CCDC178: variants seen among roughly 807,000 people sequenced by gnomAD.
CCDC178 encodes coiled-coil domain containing 178, also known as coiled-coil domain-containing protein 178.
In CCDC178, 126 loss-of-function variants were observed where a neutral mutation model predicts 117.4. The observed-to-expected ratio is 1.07, with a 90% CI of 0.93 to 1.24. The LOEUF (loss-of-function observed/expected upper bound fraction) is 1.24, where lower values mean the gene tolerates loss of function less well. CCDC178 is among the 50% of genes most tolerant of loss of function. CCDC178 has a pLI of 0.00. For synonymous variants in CCDC178, 283 were observed against 313.4 expected (o/e 0.90, Z 1.02); for missense variants, 1,030 against 986.9 (o/e 1.04, Z -0.59).
At chr18:33,112,417 C>G (rs1015015762) in intron 20 of CCDC178, among the ~76,000 whole-genome samples, 1 of 151,866 alleles carries the variant, frequency 6.6e-6, no homozygotes, top group African/African-American at 2.4e-5. Context: ...GTAGAAGCGA[C>G]ATGATCATGC....
At chr18:33,365,898 G>A (rs1174275648) in intron 6 of CCDC178, among the ~76,000 whole-genome samples, 1 of 152,044 alleles carries the variant, frequency 6.6e-6, no homozygotes, top group East Asian at 1.9e-4. Context: ...ATCATTGTGT[G>A]ATGTTTCCAG....
chr18:33,237,434 T>C (rs1476759002), intron 15 of CCDC178, among the ~76,000 whole-genome samples: 4 of 151,954 alleles, frequency 2.6e-5, no homozygotes, highest in African/African-American at 7.3e-5. Flanking sequence ...CAAGAAACCA[T>C]ACAGCCATGT....
chr18:33,349,411 ATGT>A (rs1050718942), intron 7 of CCDC178, among the ~76,000 whole-genome samples: 2 of 152,050 alleles, frequency 1.3e-5, no homozygotes, highest in African/African-American at 2.4e-5. Context: ...CTAAATTAAA[ATGT>A]TGTTTCCTTC....
Position 33,336,779 on chromosome 18 carries a change from TA to T in CCDC178, c.659-3386del, listed in dbSNP as rs149239497. Among the ~76,000 whole-genome samples, 948 of 152,140 alleles carry T rather than the reference TA, an allele frequency of 6.2e-3. 33 individuals are homozygous for T. The East Asian group carries it at 0.11, about 17-fold the overall frequency. On this transcript the variant is annotated intron_variant, in intron 9 of 22. Transcript: ENST00000383096. ...AAAATTTTAAATACAAATTAAACAT[TA>T]AAAAAATGTTTCTATGGCCTTATAG...
intron 22 of CCDC178, among the ~76,000 whole-genome samples, chr18:32,947,749 C>T (rs1282204662): frequency 6.6e-6 from 1 of 151,910 alleles, no homozygotes; most frequent in Admixed American, 6.6e-5. Context: ...TATTCTTGTG[C>T]TTTTGGTGCT....
intron 2 of CCDC178, among the ~76,000 whole-genome samples, chr18:33,423,739 G>T (rs1057065692): frequency 1.1e-4 from 16 of 152,168 alleles, no homozygotes; most frequent in Non-Finnish European, 1.5e-5. Flanking sequence ...TTGACAAAGT[G>T]TTGATTTTTT....
intron 21 of CCDC178, among the ~76,000 whole-genome samples, chr18:33,035,364 G>T (rs770060117): frequency 1.9e-4 from 29 of 151,770 alleles, no homozygotes; most frequent in Middle Eastern, 3.4e-3. Context: ...GAGTAATGAA[G>T]GTTAAGAAAA....
intron 21 of CCDC178, among the ~76,000 whole-genome samples, chr18:32,991,310 T>C (rs2144742605): frequency 6.6e-6 from 1 of 152,276 alleles, no homozygotes; most frequent in South Asian, 2.1e-4. Context: ...TACATAAATT[T>C]TTAGGGTGTC....
chr18:33,102,972 G>A (rs1451859432), intron 20 of CCDC178, among the ~76,000 whole-genome samples: 1 of 151,760 alleles, frequency 6.6e-6, no homozygotes, highest in South Asian at 2.1e-4. Context: ...GGACCATAAA[G>A]CCTGAAATAT....
intron 21 of CCDC178, among the ~76,000 whole-genome samples, chr18:33,088,875 G>C (rs562270474): frequency 6.6e-6 from 1 of 152,192 alleles, no homozygotes; most frequent in Admixed American, 6.5e-5. Context: ...TAAGTTCTAG[G>C]ACAACATTTC....
chr18:33,123,021 A>G (rs2057958038), intron 20 of CCDC178, among the ~76,000 whole-genome samples: 1 of 152,146 alleles, frequency 6.6e-6, no homozygotes. Flanking sequence ...CTGAATAAGT[A>G]TCACAGTCTC....
intron 22 of CCDC178, among the ~76,000 whole-genome samples, chr18:32,973,290 T>A (rs2054966607): frequency 6.6e-6 from 1 of 152,142 alleles, no homozygotes; most frequent in Non-Finnish European, 1.5e-5. Context: ...AATATAGATT[T>A]TTCTAAGATA....
chr18:33,296,758 T>C (rs1213174146), intron 11 of CCDC178, among the ~76,000 whole-genome samples: 2 of 152,314 alleles, frequency 1.3e-5, no homozygotes, highest in East Asian at 1.9e-4. Context: ...CCAGGCGTGG[T>C]GGCTCACACC....
chr18:33,061,790 T>G (rs987697387), intron 21 of CCDC178, among the ~76,000 whole-genome samples: 1 of 151,780 alleles, frequency 6.6e-6, no homozygotes, highest in African/African-American at 2.4e-5. Flanking sequence ...TGCTGATGTG[T>G]TTTTTTTCAG....
chr18:33,394,943 GTATATA>G (rs61298209), intron 4 of CCDC178, among the ~76,000 whole-genome samples: 11,493 of 61,260 alleles, frequency 0.19, 609 homozygotes, highest in South Asian at 0.28. Context: ...ATATGTATGT[GTATATA>G]TATATATATA....
intron 21 of CCDC178, among the ~76,000 whole-genome samples, chr18:32,976,336 A>G (rs1035587827): frequency 1.3e-5 from 2 of 152,142 alleles, no homozygotes; most frequent in African/African-American, 4.8e-5. Flanking sequence ...GTGTATGTTC[A>G]CAACTACATA....
At chr18:33,041,382 T>C (rs1233687906) in intron 21 of CCDC178, among the ~76,000 whole-genome samples, 1 of 151,210 alleles carries the variant, frequency 6.6e-6, no homozygotes, top group Non-Finnish European at 1.5e-5. Flanking sequence ...CAGACCACCA[T>C]AGATTAATCT....
intron 20 of CCDC178, among the ~76,000 whole-genome samples, chr18:33,117,641 C>T (rs2057876653): frequency 6.6e-6 from 1 of 151,770 alleles, no homozygotes; most frequent in East Asian, 1.9e-4. Context: ...TTAATGGGTG[C>T]AGCACACCAA....
chr18:33,155,664 CA>C (rs1307037546), intron 20 of CCDC178, among the ~76,000 whole-genome samples: 3 of 152,128 alleles, frequency 2.0e-5, no homozygotes, highest in African/African-American at 7.2e-5. Context: ...ATTTTTTTGT[CA>C]AACACTTCTT....
Sources: allele counts gnomAD v4.1 joint callset (sites outside exome capture counted in the v4.1 genomes callset), GRCh38; gene constraint gnomAD v4.1.1; transcripts MANE v1.5; gene names NCBI Gene and HGNC (gene_info 2026-07-23, HGNC 2026-07-21).